Variants in TMCC1 observed in about 807,000 individuals in gnomAD.
TMCC1 encodes the protein transmembrane and coiled-coil domain family 1.
TMCC1 carries 15 observed loss-of-function variants against 52.4 expected under a neutral mutation model. That is an observed-to-expected ratio of 0.29 (90% confidence interval 0.19 to 0.44). TMCC1 has a LOEUF of 0.44. Among genes scored for constraint, TMCC1 ranks in the 20% least tolerant of loss-of-function variants. The pLI is 1.00. For synonymous variants in TMCC1, 279 were observed against 301.9 expected, an observed-to-expected ratio of 0.92 and a Z score of 0.79; for missense variants, 503 against 806.0, an observed-to-expected ratio of 0.62 and a Z score of 4.55.
chr3:129,730,634 T>C (rs182688557), intron 4 of TMCC1, among the ~76,000 whole-genome samples: 295 of 152,366 alleles, frequency 1.9e-3, no homozygotes, highest in African/African-American at 6.4e-3. Flanking sequence ...TTGACTCTTC[T>C]AGTTCTTTTG....
At chr3:129,718,442 G>C (rs1345472336) in intron 4 of TMCC1, among the ~76,000 whole-genome samples, 1 of 152,194 alleles carries the variant, frequency 6.6e-6, no homozygotes, top group Non-Finnish European at 1.5e-5. Context: ...TCAGTAAAAA[G>C]CGATCTCTTG....
At chr3:129,718,110 T>C (rs2049247660) in intron 4 of TMCC1, among the ~76,000 whole-genome samples, 1 of 152,166 alleles carries the variant, frequency 6.6e-6, no homozygotes, top group South Asian at 2.1e-4. Context: ...AATGAATGCA[T>C]AAAACATATG....
At chr3:129,792,205 C>T (rs982753672) in intron 4 of TMCC1, among the ~76,000 whole-genome samples, 3 of 150,160 alleles carry the variant, frequency 2.0e-5, no homozygotes, top group Non-Finnish European at 4.4e-5. Context: ...TATATATACA[C>T]ATATATATAT....
intron 2 of TMCC1, among the ~76,000 whole-genome samples, chr3:129,853,501 T>C (rs932984215): frequency 1.3e-5 from 2 of 151,770 alleles, no homozygotes; most frequent in Non-Finnish European, 2.9e-5. Context: ...TGGTGGCACA[T>C]ACCTGTAGTC....
At chr3:129,714,104 G>C (rs973133135) in intron 4 of TMCC1, among the ~76,000 whole-genome samples, 2 of 152,190 alleles carry the variant, frequency 1.3e-5, no homozygotes, top group Admixed American at 1.3e-4. Context: ...AAGGAAGAAA[G>C]CGACATCACC....
At chr3:129,759,175 C>G (rs1286397079) in intron 4 of TMCC1, among the ~76,000 whole-genome samples, 1 of 152,076 alleles carries the variant, frequency 6.6e-6, no homozygotes, top group Non-Finnish European at 1.5e-5. Context: ...TATCTCAAAG[C>G]AAGCCCTACT....
chr3:129,790,505 A>C (rs949200443), intron 4 of TMCC1, among the ~76,000 whole-genome samples: 2 of 152,340 alleles, frequency 1.3e-5, no homozygotes, highest in Middle Eastern at 6.8e-3. Flanking sequence ...AGTAAAATAA[A>C]AGGGTATAAT....
chr3:129,660,186 C>T (rs1355121716), intron 5 of TMCC1, among the ~76,000 whole-genome samples: 1 of 152,118 alleles, frequency 6.6e-6, no homozygotes, highest in Non-Finnish European at 1.5e-5. Flanking sequence ...TTTTCTCTGT[C>T]GCCCAGGTTG....
intron 4 of TMCC1, among the ~76,000 whole-genome samples, chr3:129,720,181 C>CAAAAAAAAAAAAAAAAAAA (rs765678095): frequency 3.4e-5 from 2 of 58,696 alleles, no homozygotes; most frequent in Admixed American, 2.0e-4. Flanking sequence ...GACCCTGTCT[C>CAAAAAAAAAAAAAAAAAAA]AAAAAAAAAA....
chr3:129,680,823 C>A (rs896109639), intron 4 of TMCC1, among the ~76,000 whole-genome samples: 1 of 151,836 alleles, frequency 6.6e-6, no homozygotes, highest in African/African-American at 2.4e-5. Flanking sequence ...ATTGCTTGAA[C>A]CGGGGGGTGG....
intron 4 of TMCC1, among the ~76,000 whole-genome samples, chr3:129,771,023 C>T (rs2054534405): frequency 6.6e-6 from 1 of 152,120 alleles, no homozygotes; most frequent in Admixed American, 6.5e-5. Flanking sequence ...GTGATACCAC[C>T]AGAATCCAAT....
At position 129,670,842 on chromosome 3, in the gene TMCC1, T is replaced by C. The variant is rs762875282; in HGVS notation, c.999A>G (p.Gly333=). 8.7e-6 allele frequency: 14 copies of C among 1,614,160 alleles called. No homozygotes were observed. The highest frequency in any genetic ancestry group is 1.0e-5 in the Non-Finnish European group (12 of 1,180,030). The part of the protein sequence containing the change: ...RDMHQGLKDV[G]AKVTGFSEGV... ...CTTCACTGAAGCCAGTCACCTTTGC[T>C]CCTACATCCTTCAGACCCTGGTGCA... Residue 333 remains glycine (G), a synonymous_variant, in exon 5 of 7, where the codon GGA becomes GGG. Coordinates refer to ENST00000393238, the MANE Select transcript of TMCC1 (RefSeq NM_001017395.5).
At chr3:129,813,753 T>A (rs2107799975) in intron 4 of TMCC1, among the ~76,000 whole-genome samples, 1 of 152,038 alleles carries the variant, frequency 6.6e-6, no homozygotes, top group South Asian at 2.1e-4. Flanking sequence ...AACATGCAGT[T>A]TACCTATTTA....
chr3:129,867,448 AGTTTTCCT>A (rs767194207), intron 2 of TMCC1, among the ~76,000 whole-genome samples: 5 of 152,192 alleles, frequency 3.3e-5, no homozygotes, highest in Non-Finnish European at 7.3e-5. Flanking sequence ...TTCAATAGCT[AGTTTTCCT>A]GTTTTCCTCT....
intron 4 of TMCC1, among the ~76,000 whole-genome samples, chr3:129,754,937 G>T (rs1171677493): frequency 1.3e-5 from 2 of 152,032 alleles, no homozygotes; most frequent in Non-Finnish European, 2.9e-5. Context: ...AATTAGCCAG[G>T]TGTGGTGGCG....
At chr3:129,889,441 G>GA (rs1247406610) in intron 1 of TMCC1, among the ~76,000 whole-genome samples, 1 of 152,114 alleles carries the variant, frequency 6.6e-6, no homozygotes, top group Non-Finnish European at 1.5e-5. Flanking sequence ...GAACATTAAG[G>GA]AAAAAACCTG....
chr3:129,681,905 CAA>C (rs1332029665), intron 4 of TMCC1, among the ~76,000 whole-genome samples: 5 of 70,414 alleles, frequency 7.1e-5, no homozygotes, highest in African/African-American at 5.2e-5. Flanking sequence ...GACTTCGTCT[CAA>C]AAAAAAAAAA....
At chr3:129,844,271 G>A (rs1189083575) in intron 2 of TMCC1, among the ~76,000 whole-genome samples, 3 of 152,076 alleles carry the variant, frequency 2.0e-5, no homozygotes, top group East Asian at 3.9e-4. Context: ...TGTATAAAAA[G>A]CTAAAAAATC....
intron 2 of TMCC1, among the ~76,000 whole-genome samples, chr3:129,861,225 G>A (rs572582714): frequency 3.9e-5 from 6 of 152,078 alleles, no homozygotes; most frequent in Admixed American, 2.0e-4. Flanking sequence ...CGGATCATGA[G>A]GTCAGGAGAT....
Sources: gnomAD v4.1 joint callset for allele counts (sites outside exome capture counted in the v4.1 genomes callset) on GRCh38, gnomAD v4.1.1 for gene constraint, MANE v1.5 for transcripts, NCBI Gene and HGNC (gene_info 2026-07-23, HGNC 2026-07-21) for gene names.